CACNA1B: variants seen among roughly 807,000 people sequenced by gnomAD.
CACNA1B encodes the protein calcium voltage-gated channel subunit alpha1 B, also known as voltage-dependent N-type calcium channel subunit alpha-1B.
Under a neutral mutation model 247.2 loss-of-function variants are expected in CACNA1B, and 70 were observed. That is an observed-to-expected ratio of 0.28 (90% confidence interval 0.23 to 0.35). CACNA1B has a LOEUF of 0.35. CACNA1B is among the 10% of genes least tolerant of loss of function. CACNA1B has a pLI of 1.00. For synonymous variants in CACNA1B, 1,231 were observed against 1,294.4 expected (o/e 0.95, Z 1.05); for missense variants, 2,367 against 3,197.4 (o/e 0.74, Z 6.26).
rs1246717706 is a variant in CACNA1B, at chr9:138,072,472, G to A, written c.4675-1016G>A. 6.6e-6 allele frequency among the ~76,000 whole-genome samples: 1 copy of A among 152,250 alleles called. No individual in the cohort carries two copies. The highest frequency in any genetic ancestry group is 2.4e-5 in the African/African-American group (1 of 41,476). Reference sequence around the variant, plus strand: ...GCTGCTGCTGTCTCATTTGACATCTGTGTTCTCTTTATTTGATGACTGAAT... The same window carrying A: ...GCTGCTGCTGTCTCATTTGACATCTATGTTCTCTTTATTTGATGACTGAAT... On this transcript the variant is annotated intron_variant, in intron 32 of 46. Coordinates refer to ENST00000371372, the MANE Select transcript of CACNA1B (RefSeq NM_000718.4). This position sits in a 1 kb window ranked among gnomAD's most constrained non-coding sequence, Gnocchi z 4.5.
At chr9:138,000,252 C>A (rs564862778) in intron 15 of CACNA1B, among the ~76,000 whole-genome samples, 37 of 152,168 alleles carry the variant, frequency 2.4e-4, no homozygotes, top group Admixed American at 4.6e-4. Context: ...GCGCCCGCCA[C>A]TACGCCCGGC....
At chr9:137,886,807 C>T (rs1200758667) in intron 3 of CACNA1B, among the ~76,000 whole-genome samples, 5 of 152,072 alleles carry the variant, frequency 3.3e-5, no homozygotes, top group African/African-American at 9.7e-5. Flanking sequence ...TGATGAGTGG[C>T]GGGCTTTTTT....
chr9:137,917,419 C>G lies in CACNA1B; in HGVS notation c.954C>G (p.Asp318Glu). 1 of 1,613,598 alleles carries G rather than the reference C, an allele frequency of 6.2e-7. No homozygotes were observed. The highest frequency in any genetic ancestry group is 2.2e-5 in the East Asian group (1 of 44,872). Residue 318 changes from aspartate to glutamate, a missense_variant, in exon 6 of 47, where the codon GAC (aspartate) becomes GAG (glutamate). Asp to Glu is a conservative substitution (Grantham distance 45). Around this residue, in one of 12 missense-constraint regions of CACNA1B, gnomAD observed 32 missense variants for 37.2 expected, o/e 0.86. Coordinates refer to ENST00000371372, the MANE Select transcript of CACNA1B (RefSeq NM_000718.4). The surrounding 1 kb of genome is among the most constrained non-coding windows in gnomAD (Gnocchi z 5.5). ...GCATCACCATGGAGGGCTGGACTGACATCCTCTATAATGTGAGTGGCGTCT... is the reference window on the plus strand; with the variant it reads ...GCATCACCATGGAGGGCTGGACTGAGATCCTCTATAATGTGAGTGGCGTCT... ...FQCITMEGWT[D>E]ILYNTNDAAG...
intron 20 of CACNA1B, among the ~76,000 whole-genome samples, chr9:138,040,371 G>A (rs145089059): frequency 7.2e-4 from 110 of 151,970 alleles, no homozygotes; most frequent in African/African-American, 2.4e-3. Flanking sequence ...TGGTGATATT[G>A]CTTGAGTTCA....
intron 36 of CACNA1B, among the ~76,000 whole-genome samples, chr9:138,082,581 G>C (rs1234469804): frequency 6.6e-6 from 1 of 151,306 alleles, no homozygotes; most frequent in Non-Finnish European, 1.5e-5. Context: ...TTCCATTTAG[G>C]TTATAGTTCA....
intron 20 of CACNA1B, among the ~76,000 whole-genome samples, chr9:138,026,237 C>G (rs779085354): frequency 6.6e-6 from 1 of 152,224 alleles, no homozygotes. Flanking sequence ...TGCTCAGCCT[C>G]CCCTTTTCCT....
At chr9:137,910,943 C>T (rs746526091) in intron 3 of CACNA1B, among the ~76,000 whole-genome samples, 8 of 152,138 alleles carry the variant, frequency 5.3e-5, no homozygotes, top group Middle Eastern at 3.4e-3. Flanking sequence ...GTGTCATATC[C>T]GAGAAATTAT....
intron 10 of CACNA1B, among the ~76,000 whole-genome samples, chr9:137,960,365 CGCG>C (rs1338902859): frequency 8.5e-6 from 1 of 117,622 alleles, no homozygotes; most frequent in African/African-American, 3.3e-5. Context: ...GCCTGAGGGA[CGCG>C]GCGGTGGGGT....
At chr9:137,958,387 T>A (rs1436315069) in intron 10 of CACNA1B, among the ~76,000 whole-genome samples, 8 of 152,116 alleles carry the variant, frequency 5.3e-5, no homozygotes, top group Non-Finnish European at 1.2e-4. Flanking sequence ...CACACACAAA[T>A]ATGCATGTAG....
rs1227151089 is a variant in CACNA1B at position 138,115,644 on chromosome 9, G to C, written c.5742G>C (p.Gln1914His). ...GAGGAGCCCGGGTTTTCCTTCGACAGAAGAGTTCCACCTCCCTCAGCAATG... is the reference window on the plus strand; with the variant it reads ...GAGGAGCCCGGGTTTTCCTTCGACACAAGAGTTCCACCTCCCTCAGCAATG... Reference protein sequence around the residue: ...VLRGARVFLRQKSSTSLSNGG... With the variant: ...VLRGARVFLRHKSSTSLSNGG... The change falls in exon 42 of 47, where the codon CAG (glutamine) becomes CAC (histidine). Residue 1914 changes from glutamine to histidine, a missense_variant. By Grantham distance (24) the Gln-to-His change is conservative. This residue lies in a region of CACNA1B where 773 missense variants were observed against 779.4 expected (regional missense o/e 0.99). Transcript: ENST00000371372. 1 of 1,613,638 alleles carries C rather than the reference G, an allele frequency of 6.2e-7. No individual in the cohort carries two copies. Among genetic ancestry groups the C allele is most frequent in the Non-Finnish European group, 8.5e-7 (1 of 1,179,798 alleles).
intron 36 of CACNA1B, among the ~76,000 whole-genome samples, chr9:138,095,474 C>T (rs139195816): frequency 4.6e-5 from 7 of 152,160 alleles, no homozygotes; most frequent in Admixed American, 2.0e-4. Context: ...TAACAAGTGT[C>T]GACAAGGATG....
At chr9:137,983,906 T>TGTGGGTG (rs1958323035) in intron 12 of CACNA1B, among the ~76,000 whole-genome samples, 1 of 52,546 alleles carries the variant, frequency 1.9e-5, no homozygotes, top group African/African-American at 7.4e-5. Context: ...GGGTGGGGGG[T>TGTGGGTG]GGGAGGGAGG....
chr9:138,003,076 G>A (rs1046164004), intron 15 of CACNA1B, among the ~76,000 whole-genome samples: 4 of 151,690 alleles, frequency 2.6e-5, no homozygotes, highest in African/African-American at 9.7e-5. Context: ...GATTACAAAC[G>A]TGAGCCACTG....
rs1319698171 is a variant in CACNA1B, at chr9:137,960,053, G to GGGGC, written c.1333+2370_1333+2373dup. 3.4e-4 allele frequency among the ~76,000 whole-genome samples: 51 copies of GGGGC among 150,190 alleles called. No individual in the cohort carries two copies. In the East Asian group the frequency reaches 9.8e-3, roughly 29 times the overall value. ...GAAGTGAGGACGCCTGAGGGACGCC[G>GGGGC]GGGCGGGGGAGAGGGGAGGTTGGCC... On this transcript the variant is annotated intron_variant, in intron 10 of 46. Transcript: ENST00000371372.
In CACNA1B at chr9:138,054,899, C is replaced by T. The variant is rs1272329935; in HGVS notation, c.3968+893C>T. ...TTGTGTGATGACCAATGAGATTGAG[C>T]CCCCTTTGCTAGGGGGATTGGCCGC... On this transcript the variant is annotated intron_variant, in intron 26 of 46. Transcript: ENST00000371372. This position sits in a 1 kb window ranked among gnomAD's most constrained non-coding sequence, Gnocchi z 4.6. Among the ~76,000 whole-genome samples the T allele has an allele frequency of 1.3e-5, 2 of 152,236 alleles. No individual in the cohort carries two copies. Among genetic ancestry groups the T allele is most frequent in the Non-Finnish European group, 1.5e-5 (1 of 68,034 alleles).
rs1025537100 is a variant in CACNA1B at position 137,974,026 on chromosome 9, C to G, written c.1544-1881C>G. ...GGCCTCTCCTCCCTGGGTCCGAGCC[C>G]CTCGTGTGGGGAGCCCGAGGCCTTT... On this transcript the variant is annotated intron_variant, in intron 11 of 46. Coordinates refer to ENST00000371372, the MANE Select transcript of CACNA1B (RefSeq NM_000718.4). The surrounding 1 kb of genome is among the most constrained non-coding windows in gnomAD (Gnocchi z 4.5). Among the ~76,000 whole-genome samples the G allele has an allele frequency of 6.6e-6, 1 of 152,214 alleles. No individual in the cohort carries two copies. The highest frequency in any genetic ancestry group is 2.4e-5 in the African/African-American group (1 of 41,458).
intron 26 of CACNA1B, among the ~76,000 whole-genome samples, chr9:138,056,817 A>G (rs1959516795): frequency 6.7e-6 from 1 of 149,408 alleles, no homozygotes; most frequent in Non-Finnish European, 1.5e-5. Flanking sequence ...GGTGGTTTTT[A>G]TTTGCCTTTC....
At chr9:138,044,018 A>G (rs948676488) in intron 21 of CACNA1B, 118 bp downstream of exon 21, 8 of 1,361,204 alleles carry the variant, frequency 5.9e-6, no homozygotes, top group Non-Finnish European at 8.1e-6. Context: ...AAACGGCTCT[A>G]AATCCCATGG....
In CACNA1B at chr9:137,952,526, T is replaced by C; in HGVS notation, c.1070+149T>C. ...CTGGTGTTCTGGGTTCTGGTAGCCC[T>C]TCCTTTGTGCCACCATCCTGACCTG... On this transcript the variant is annotated intron_variant, in intron 7 of 46. Coordinates refer to ENST00000371372, the MANE Select transcript of CACNA1B (RefSeq NM_000718.4). The surrounding 1 kb of genome is among the most constrained non-coding windows in gnomAD (Gnocchi z 4.8). 1 of 667,264 alleles carries C rather than the reference T, an allele frequency of 1.5e-6. No individual in the cohort carries two copies. The highest frequency in any genetic ancestry group is 1.7e-5 in the South Asian group (1 of 58,542). 41.3% of individuals were successfully genotyped at this position (667,264 alleles called of 1,614,324 possible). A position where few individuals can be genotyped will look rare whatever the true frequency, so the allele number is the denominator to read the frequency against.
Sources: allele counts gnomAD v4.1 joint callset (sites outside exome capture counted in the v4.1 genomes callset), GRCh38; gene constraint gnomAD v4.1.1; regional missense constraint gnomAD v4.1.1; non-coding constraint Gnocchi (gnomAD v3.1); transcripts MANE v1.5; gene names NCBI Gene and HGNC (gene_info 2026-07-23, HGNC 2026-07-21).